MTA1: variants seen among roughly 807,000 people sequenced by gnomAD.
MTA1 encodes metastasis associated 1.
In MTA1, 15 loss-of-function variants were observed where a neutral mutation model predicts 97.0. The observed-to-expected ratio is 0.15, with a 90% CI of 0.10 to 0.24. The LOEUF (loss-of-function observed/expected upper bound fraction) is 0.24, where lower values mean the gene tolerates loss of function less well. Among genes scored for constraint, MTA1 ranks in the 10% least tolerant of loss-of-function variants. The pLI, the probability that MTA1 is intolerant of heterozygous loss-of-function variation, is 1.00. For missense variants in MTA1, 709 were observed against 1,015.1 expected, an observed-to-expected ratio of 0.70 and a Z score of 4.10; for synonymous variants, 435 against 417.5, an observed-to-expected ratio of 1.04 and a Z score of -0.51.
At chr14:105,467,551 G>A (rs1023111191) in intron 18 of MTA1, 10 of 450,112 alleles carry the variant, frequency 2.2e-5, no homozygotes, top group Non-Finnish European at 4.5e-5. Flanking sequence ...GGGTGGGCCT[G>A]AGATCGGGTG....
At chr14:105,467,500 G>T (rs1273576162) in intron 18 of MTA1, 2 of 455,824 alleles carry the variant, frequency 4.4e-6, no homozygotes, top group African/African-American at 4.0e-5. Flanking sequence ...GGGTGTCCTG[G>T]CAGGCACGTC....
At position 105,420,237 on chromosome 14, in the gene MTA1, C is replaced by A. The variant is rs1253382127; in HGVS notation, c.28+174C>A. On this transcript the variant is annotated intron_variant, in intron 1 of 20. Coordinates refer to ENST00000331320, the MANE Select transcript of MTA1 (RefSeq NM_004689.4). The surrounding 1 kb of genome is among the most constrained non-coding windows in gnomAD (Gnocchi z 5.3). Reference sequence around the variant, plus strand: ...CCGTGCTCACCCCAACCCAAAATGGCCCCGCGGGTCGGCCCCATCGGGGGC... The same window carrying A: ...CCGTGCTCACCCCAACCCAAAATGGACCCGCGGGTCGGCCCCATCGGGGGC... 2.0e-5 allele frequency among the ~76,000 whole-genome samples: 3 copies of A among 148,520 alleles called. No individual in the cohort carries two copies. Among genetic ancestry groups the A allele is most frequent in the Admixed American group, 6.7e-5 (1 of 14,970 alleles).
chr14:105,465,212 C>T (rs1555432435), intron 16 of MTA1, 29 bp downstream of exon 16: 3 of 1,482,990 alleles, frequency 2.0e-6, no homozygotes, highest in Non-Finnish European at 2.7e-6. Context: ...TGGGGGGCTC[C>T]CAATGCTGCC....
At chr14:105,429,209 C>T (rs1339992187) in intron 1 of MTA1, among the ~76,000 whole-genome samples, 2 of 152,210 alleles carry the variant, frequency 1.3e-5, no homozygotes, top group Non-Finnish European at 2.9e-5. Flanking sequence ...TTTGATTTCC[C>T]ATCCCGGCAC....
intron 7 of MTA1, among the ~76,000 whole-genome samples, chr14:105,456,009 G>A (rs2083137076): frequency 6.6e-6 from 1 of 151,508 alleles, no homozygotes; most frequent in South Asian, 2.1e-4. Flanking sequence ...TGAGGCCTGT[G>A]GGTCTGAGTG....
Position 105,465,197 on chromosome 14 carries a change from C to T in MTA1, c.1624+14C>T, listed in dbSNP as rs1171819789. The stretch of plus-strand genomic sequence containing the variant: ...TTCGGTATCTTGGTGAGCAGCCAGG[C>T]GTGCTGGGGGGCTCCCAATGCTGCC... On this transcript the variant is annotated intron_variant, in intron 16 of 20. Coordinates refer to ENST00000331320, the MANE Select transcript of MTA1 (RefSeq NM_004689.4). The T allele has an allele frequency of 4.0e-6, 6 of 1,503,994 alleles. No individual in the cohort carries two copies. The highest frequency in any genetic ancestry group is 2.5e-5 in the East Asian group (1 of 39,772). The allele number at this position is 1,503,994 out of a possible 1,614,324, so 93.2% of individuals were successfully genotyped here.
Position 105,464,684 on chromosome 14 carries a change from G to A in MTA1, c.1355G>A (p.Gly452Asp). The A allele has an allele frequency of 1.2e-6, 2 of 1,603,382 alleles. No individual in the cohort carries two copies. Among genetic ancestry groups the A allele is most frequent in the South Asian group, 2.2e-5 (2 of 90,656 alleles). ...GPNRSNMSPH[G>D]LPARSSGSPK... Reference sequence around the variant, plus strand: ...CGCCCCCTTCCGCAGAGTCCCCACGGCCTCCCAGCCCGGAGCAGCGGGAGC... The same window carrying A: ...CGCCCCCTTCCGCAGAGTCCCCACGACCTCCCAGCCCGGAGCAGCGGGAGC... The change falls in exon 15 of 21, where the codon GGC (glycine) becomes GAC (aspartate). Residue 452 changes from glycine to aspartate, a missense_variant. Physicochemically the swap from Gly to Asp is moderately conservative, Grantham distance 94. Transcript: ENST00000331320.
intron 1 of MTA1, among the ~76,000 whole-genome samples, chr14:105,432,855 G>A (rs1236442751): frequency 5.3e-5 from 8 of 152,182 alleles, no homozygotes; most frequent in Non-Finnish European, 1.0e-4. Context: ...GCTTTTCTGG[G>A]CTCACACTGT....
Position 105,450,135 on chromosome 14 carries a change from G to A in MTA1, c.319G>A (p.Glu107Lys). 6.2e-7 allele frequency: 1 copy of A among 1,613,236 alleles called. No homozygotes were observed. The highest frequency in any genetic ancestry group is 2.2e-5 in the East Asian group (1 of 44,870). ...EKLKHQLRHR[E>K]LFLSRQLESL... ...ACTAAAGCACCAGCTGCGGCATCGG[G>A]AGCTGTTCCTCTCCCGGCAGCTGGA... The change falls in exon 5 of 21, where the codon GAG (glutamate) becomes AAG (lysine). Residue 107 changes from glutamate (E) to lysine (K), a missense_variant. By Grantham distance (56) the Glu-to-Lys change is moderately conservative. Transcript: ENST00000331320.
In MTA1 at chr14:105,464,156, C is replaced by G. The variant is rs1555431821; in HGVS notation, c.1192+9C>G. ...CTGCGAGAGCTGTTACAGTAAGTGC[C>G]CTGGATGGCCGGGGGCACACCGCAC... is the stretch of plus-strand genomic sequence containing the variant. On this transcript the variant is annotated intron_variant, in intron 13 of 20. Coordinates refer to ENST00000331320, the MANE Select transcript of MTA1 (RefSeq NM_004689.4). 1 of 1,606,408 alleles carries G rather than the reference C, an allele frequency of 6.2e-7. No homozygotes were observed. The highest frequency in any genetic ancestry group is 2.2e-5 in the East Asian group (1 of 44,818).
At chr14:105,435,979 A>G (rs969804827) in intron 1 of MTA1, among the ~76,000 whole-genome samples, 3 of 152,130 alleles carry the variant, frequency 2.0e-5, no homozygotes, top group Non-Finnish European at 2.9e-5. Context: ...GTTAATAACC[A>G]GCTTGTAGGC....
intron 1 of MTA1, among the ~76,000 whole-genome samples, chr14:105,426,286 T>C (rs1199050477): frequency 7.0e-6 from 1 of 142,986 alleles, no homozygotes; most frequent in Non-Finnish European, 1.5e-5. Flanking sequence ...GTACCAAGCA[T>C]ACCTTAAAAA....
chr14:105,450,473 T>C (rs1030031488), intron 6 of MTA1, 149 bp downstream of exon 6: 22 of 888,550 alleles, frequency 2.5e-5, no homozygotes, highest in Non-Finnish European at 3.7e-5. Flanking sequence ...GATTGCGTCC[T>C]GACTGTCACT....
intron 18 of MTA1, chr14:105,468,051 G>T (rs10147179): frequency 0.026 from 8,934 of 346,634 alleles, 735 homozygotes; most frequent in African/African-American, 0.18. Flanking sequence ...CTGTCCTGAC[G>T]TGTAGCGGCC....
At chr14:105,454,066 C>T (rs587675366) in intron 6 of MTA1, 127 bp from the exon 7 acceptor site, 14 of 654,062 alleles carry the variant, frequency 2.1e-5, no homozygotes, top group Admixed American at 4.7e-5. Flanking sequence ...CTCCCTCCTG[C>T]GCCCATGTCG....
chr14:105,430,155 C>T (rs916784169), intron 1 of MTA1, among the ~76,000 whole-genome samples: 7 of 152,162 alleles, frequency 4.6e-5, no homozygotes, highest in Non-Finnish European at 7.3e-5. Context: ...TCTTGGCTTT[C>T]GACAGGCCTT....
intron 18 of MTA1, chr14:105,468,004 G>A: frequency 3.3e-6 from 1 of 304,860 alleles, no homozygotes; most frequent in East Asian, 8.7e-5. Flanking sequence ...GCTGGGCGGG[G>A]CCCTGGGCTC....
At chr14:105,423,594 G>A (rs587697685) in intron 1 of MTA1, among the ~76,000 whole-genome samples, 1 of 152,282 alleles carries the variant, frequency 6.6e-6, no homozygotes, top group Admixed American at 6.5e-5. Context: ...TTTTAATGTA[G>A]TTTGAAAGGA....
At chr14:105,439,854 G>A (rs1274646865) in intron 2 of MTA1, among the ~76,000 whole-genome samples, 1 of 152,190 alleles carries the variant, frequency 6.6e-6, no homozygotes, top group Non-Finnish European at 1.5e-5. Context: ...TCACCTGGGA[G>A]AAGCTGCCTT....
Sources: gnomAD v4.1 joint callset for allele counts (sites outside exome capture counted in the v4.1 genomes callset) on GRCh38, gnomAD v4.1.1 for gene constraint, Gnocchi (gnomAD v3.1) non-coding constraint, MANE v1.5 for transcripts, NCBI Gene and HGNC (gene_info 2026-07-23, HGNC 2026-07-21) for gene names.